The following CRB1 variants were observed in gnomAD, a reference collection of about 807,000 sequenced individuals.
CRB1 encodes the protein protein crumbs homolog 1.
CRB1 carries 83 observed loss-of-function variants against 120.0 expected under a neutral mutation model. The ratio of observed to expected loss-of-function variants is 0.69; its 90% CI spans 0.58 to 0.83. The LOEUF is 0.83. Among genes scored for constraint, CRB1 ranks in the 40% least tolerant of loss-of-function variants. The pLI, the probability that CRB1 is intolerant of heterozygous loss-of-function variation, is 0.00. For missense variants in CRB1, 1,699 were observed against 1,687.6 expected, an observed-to-expected ratio of 1.01 and a Z score of -0.12; for synonymous variants, 625 against 612.5, an observed-to-expected ratio of 1.02 and a Z score of -0.30.
intron 11 of CRB1, among the ~76,000 whole-genome samples, chr1:197,468,304 C>T (rs984284480): frequency 6.6e-6 from 1 of 151,762 alleles, no homozygotes; most frequent in Admixed American, 6.6e-5. Context: ...AGCTGCCCCA[C>T]CCCCAGGCAC....
chr1:197,289,234 A>C (rs1656021112), intron 1 of CRB1, among the ~76,000 whole-genome samples: 2 of 151,862 alleles, frequency 1.3e-5, no homozygotes, highest in African/African-American at 4.8e-5. Flanking sequence ...CTTTTCTCTC[A>C]TTCTGTCAAT....
At chr1:197,281,506 G>A (rs555062652) in intron 1 of CRB1, among the ~76,000 whole-genome samples, 2 of 151,740 alleles carry the variant, frequency 1.3e-5, no homozygotes, top group Non-Finnish European at 2.9e-5. Flanking sequence ...TGCCATGAAG[G>A]GGGGTTGAAA....
At chr1:197,265,458 C>T (rs1372599085), upstream of CRB1, among the ~76,000 whole-genome samples, 2 of 151,618 alleles carry the variant, frequency 1.3e-5, no homozygotes, top group Admixed American at 6.6e-5. Context: ...CTCTCTCTGT[C>T]TTTCCATTCC....
At chr1:197,415,681 C>G (rs1268838168) in intron 5 of CRB1, among the ~76,000 whole-genome samples, 1 of 126,260 alleles carries the variant, frequency 7.9e-6, no homozygotes, top group Non-Finnish European at 1.6e-5. Flanking sequence ...CTCACTCTGT[C>G]GCCCAGGCTG....
At chr1:197,225,633 T>C in the CRB1 span, among the ~76,000 whole-genome samples, 2 of 152,202 alleles carry the variant, frequency 1.3e-5, no homozygotes, top group African/African-American at 4.8e-5. Flanking sequence ...TCTGTGATCT[T>C]GCTACACTTA....
intron 1 of CRB1, among the ~76,000 whole-genome samples, chr1:197,292,763 T>C (rs1272354512): frequency 1.3e-5 from 2 of 151,798 alleles, no homozygotes; most frequent in East Asian, 3.9e-4. Context: ...AGCATACAAA[T>C]ATCAATAAAT....
chr1:197,410,607 C>T (rs904847396), intron 5 of CRB1, among the ~76,000 whole-genome samples: 2 of 152,284 alleles, frequency 1.3e-5, no homozygotes, highest in Admixed American at 1.3e-4. Flanking sequence ...CTGCTCTTCC[C>T]TTTTTACAGA....
the CRB1 span, among the ~76,000 whole-genome samples, chr1:197,259,634 C>T: frequency 2.9e-4 from 44 of 152,214 alleles, no homozygotes; most frequent in African/African-American, 9.9e-4. Flanking sequence ...CCATGACATA[C>T]GTGTACCTGT....
At chr1:197,405,286 C>G (rs984888364) in intron 5 of CRB1, among the ~76,000 whole-genome samples, 4 of 152,122 alleles carry the variant, frequency 2.6e-5, no homozygotes, top group African/African-American at 9.7e-5. Context: ...CTGTGTTGGC[C>G]GGGCTGGTCT....
At chr1:197,408,854 C>T (rs895913439) in intron 5 of CRB1, among the ~76,000 whole-genome samples, 1 of 152,160 alleles carries the variant, frequency 6.6e-6, no homozygotes, top group Non-Finnish European at 1.5e-5. Context: ...CAAGAGTGAG[C>T]ATGTGCAGTG....
intron 2 of CRB1, among the ~76,000 whole-genome samples, chr1:197,330,727 G>T (rs1658800302): frequency 6.6e-6 from 1 of 152,004 alleles, no homozygotes; most frequent in Non-Finnish European, 1.5e-5. Flanking sequence ...GTTTGTACTA[G>T]TTGACACCTG....
At chr1:197,465,456 G>A (rs1666712412) in intron 11 of CRB1, among the ~76,000 whole-genome samples, 1 of 152,088 alleles carries the variant, frequency 6.6e-6, no homozygotes, top group South Asian at 2.1e-4. Context: ...ATGAAAGCCT[G>A]ACTTCTGAAA....
chr1:197,289,676 A>G (rs973633424), intron 1 of CRB1, among the ~76,000 whole-genome samples: 3 of 151,724 alleles, frequency 2.0e-5, no homozygotes, highest in African/African-American at 4.8e-5. Flanking sequence ...ATTGTTGTCT[A>G]TTAATCTTAC....
chr1:197,462,209 A>G (rs1666562579), intron 11 of CRB1, among the ~76,000 whole-genome samples: 1 of 152,144 alleles, frequency 6.6e-6, no homozygotes, highest in Admixed American at 6.6e-5. Flanking sequence ...TGCAATGAAA[A>G]AACTTAGGAG....
chr1:197,457,053 G>A (rs1035674443), intron 11 of CRB1, among the ~76,000 whole-genome samples: 1 of 152,048 alleles, frequency 6.6e-6, no homozygotes, highest in Non-Finnish European at 1.5e-5. Flanking sequence ...GTTGCTCATT[G>A]TTCTTCGACC....
chr1:197,407,819 T>C (rs1663493303), intron 5 of CRB1, among the ~76,000 whole-genome samples: 1 of 152,164 alleles, frequency 6.6e-6, no homozygotes. Context: ...TTACATATAT[T>C]TTCAAATGAT....
chr1:197,247,249 TG>T, the CRB1 span, among the ~76,000 whole-genome samples: 1 of 152,174 alleles, frequency 6.6e-6, no homozygotes, highest in Non-Finnish European at 1.5e-5. Context: ...ACTGTCAAAA[TG>T]TTCCCCAGGA....
At chr1:197,284,531 A>G (rs1488951601) in intron 1 of CRB1, among the ~76,000 whole-genome samples, 2 of 151,922 alleles carry the variant, frequency 1.3e-5, no homozygotes, top group Non-Finnish European at 2.9e-5. Flanking sequence ...CAACCTTGAC[A>G]ATGAGTTACA....
intron 1 of CRB1, among the ~76,000 whole-genome samples, chr1:197,278,209 A>T: frequency 6.6e-6 from 1 of 151,874 alleles, no homozygotes; most frequent in East Asian, 1.9e-4. Context: ...GGCCTCACAC[A>T]TGGGATTAGT....
Sources: allele counts gnomAD v4.1 joint callset (sites outside exome capture counted in the v4.1 genomes callset), GRCh38; gene constraint gnomAD v4.1.1; transcripts MANE v1.5; gene names NCBI Gene and HGNC (gene_info 2026-07-23, HGNC 2026-07-21).